The following NLK variants were observed in gnomAD, a reference collection of about 807,000 sequenced individuals.
The protein encoded by NLK is nemo like kinase.
Under a neutral mutation model 59.0 loss-of-function variants are expected in NLK, and 11 were observed. That is an observed-to-expected ratio of 0.19 (90% confidence interval 0.12 to 0.31). NLK has a LOEUF of 0.31. Ranked by LOEUF, NLK falls within the 10% of genes least tolerant of loss-of-function variation. The probability of loss-of-function intolerance (pLI) is 1.00; values close to 1 mark genes in which losing one functional copy is unlikely to be tolerated. For synonymous variants in NLK, 235 were observed against 235.9 expected, an observed-to-expected ratio of 1.00 and a Z score of 0.03; for missense variants, 410 against 661.1, an observed-to-expected ratio of 0.62 and a Z score of 4.16.
At chr17:28,113,929 A>T (rs939694291) in intron 1 of NLK, among the ~76,000 whole-genome samples, 7 of 152,108 alleles carry the variant, frequency 4.6e-5, no homozygotes, top group African/African-American at 1.7e-4. Context: ...GTGCATCCCT[A>T]AACATTATAG....
At chr17:28,102,059 T>C (rs1904921084) in intron 1 of NLK, among the ~76,000 whole-genome samples, 1 of 152,224 alleles carries the variant, frequency 6.6e-6, no homozygotes, top group African/African-American at 2.4e-5. Context: ...TGGGTATTGT[T>C]TCTTTGTCCA....
chr17:28,183,937 A>G (rs1354566332), intron 7 of NLK, among the ~76,000 whole-genome samples: 1 of 152,152 alleles, frequency 6.6e-6, no homozygotes, highest in Non-Finnish European at 1.5e-5. Context: ...TGCCTTTTTT[A>G]TGTTAGAGAT....
the NLK span, among the ~76,000 whole-genome samples, chr17:28,203,754 C>G: frequency 2.6e-5 from 4 of 152,184 alleles, no homozygotes; most frequent in South Asian, 4.1e-4. Flanking sequence ...CCAGGCTGGT[C>G]TTGAACTTCT....
At chr17:28,143,171 G>A (rs1907080911) in intron 3 of NLK, among the ~76,000 whole-genome samples, 1 of 151,556 alleles carries the variant, frequency 6.6e-6, no homozygotes, top group Non-Finnish European at 1.5e-5. Context: ...AACCTCCTGA[G>A]TAACTGGGAC....
intron 1 of NLK, among the ~76,000 whole-genome samples, chr17:28,060,337 TA>T (rs565035315): frequency 2.0e-5 from 3 of 152,012 alleles, no homozygotes; most frequent in Non-Finnish European, 2.9e-5. Flanking sequence ...AAATATACCA[TA>T]AAAAAATGCC....
rs374444233 is a variant in NLK at position 28,079,130 on chromosome 17, T to G, written c.458+35799T>G. ...TAAATAAGTGGAATCATGCAGTATTTGTCTTTTTGTGACTAGAATATTTCA... is the reference window on the plus strand; with the variant it reads ...TAAATAAGTGGAATCATGCAGTATTGGTCTTTTTGTGACTAGAATATTTCA... On this transcript the variant is annotated intron_variant, in intron 1 of 10. Transcript: ENST00000407008. 2.6e-4 allele frequency among the ~76,000 whole-genome samples: 40 copies of G among 152,358 alleles called. No individual in the cohort carries two copies. The East Asian group carries it at 7.1e-3, about 27-fold the overall frequency.
intron 1 of NLK, among the ~76,000 whole-genome samples, chr17:28,103,290 T>C (rs1055148648): frequency 5.3e-5 from 8 of 152,222 alleles, no homozygotes; most frequent in African/African-American, 1.7e-4. Context: ...ACCATTGATA[T>C]TATGCATTAC....
At chr17:28,115,339 A>C (rs1172310080) in intron 1 of NLK, among the ~76,000 whole-genome samples, 2 of 152,228 alleles carry the variant, frequency 1.3e-5, no homozygotes, top group Non-Finnish European at 2.9e-5. Context: ...GTTTAGCCCC[A>C]GCATGATAGA....
At chr17:28,168,427 T>C in intron 5 of NLK, 21 bp from the exon 6 acceptor site, 5 of 1,548,930 alleles carry the variant, frequency 3.2e-6, no homozygotes, top group Non-Finnish European at 4.5e-6. Flanking sequence ...TGATAATGTT[T>C]TGATTGCCTT....
chr17:28,103,139 G>C (rs754430022), intron 1 of NLK, among the ~76,000 whole-genome samples: 35 of 152,284 alleles, frequency 2.3e-4, no homozygotes, highest in Admixed American at 2.6e-4. Flanking sequence ...AGGAATGGTG[G>C]AGTGGAGGGA....
chr17:28,142,235 T>C (rs1044284040), intron 3 of NLK, among the ~76,000 whole-genome samples: 1 of 152,220 alleles, frequency 6.6e-6, no homozygotes, highest in Non-Finnish European at 1.5e-5. Flanking sequence ...TGATTTTTTT[T>C]TAGTCAGTTT....
At chr17:28,104,635 A>G (rs979271696) in intron 1 of NLK, among the ~76,000 whole-genome samples, 5 of 152,226 alleles carry the variant, frequency 3.3e-5, no homozygotes, top group South Asian at 4.1e-4. Flanking sequence ...TTTTTTGCCC[A>G]TATCACTTTG....
intron 1 of NLK, among the ~76,000 whole-genome samples, chr17:28,099,473 C>A (rs987126457): frequency 3.3e-5 from 5 of 151,434 alleles, no homozygotes; most frequent in African/African-American, 1.2e-4. Context: ...GGTCTAGTTT[C>A]TGTCACTATA....
At chr17:28,061,920 TAC>T (rs1909669319) in intron 1 of NLK, 5 of 142,322 alleles carry the variant, frequency 3.5e-5, no homozygotes, top group South Asian at 2.2e-4. Flanking sequence ...TACATATATA[TAC>T]ATATATATAT....
At chr17:28,199,547 T>C (rs185364803), downstream of NLK, among the ~76,000 whole-genome samples, 128 of 151,488 alleles carry the variant, frequency 8.4e-4, no homozygotes, top group Middle Eastern at 3.4e-3. Flanking sequence ...GCGCCTATAG[T>C]TCCAGCTACT....
chr17:28,192,886 A>C (rs1909357848), intron 10 of NLK, among the ~76,000 whole-genome samples: 1 of 152,180 alleles, frequency 6.6e-6, no homozygotes, highest in South Asian at 2.1e-4. Context: ...AACTGCAAGC[A>C]AGAAAATAAT....
chr17:28,111,018 G>A (rs1253219309), intron 1 of NLK, among the ~76,000 whole-genome samples: 1 of 149,892 alleles, frequency 6.7e-6, no homozygotes, highest in East Asian at 2.0e-4. Context: ...CTAATTTTTT[G>A]TATTTTTAGT....
chr17:28,148,900 A>G (rs540694146), intron 3 of NLK, among the ~76,000 whole-genome samples: 1 of 152,340 alleles, frequency 6.6e-6, no homozygotes, highest in South Asian at 2.1e-4. Context: ...TCTGAAAGGA[A>G]AGACTAAACC....
the NLK span, among the ~76,000 whole-genome samples, chr17:28,202,373 G>A: frequency 3.1e-4 from 47 of 151,352 alleles, no homozygotes; most frequent in African/African-American, 1.1e-3. Context: ...TCCTGCCTGG[G>A]CGGTCTCAAA....
Sources: gnomAD v4.1 joint callset for allele counts (sites outside exome capture counted in the v4.1 genomes callset) on GRCh38, gnomAD v4.1.1 for gene constraint, MANE v1.5 for transcripts, NCBI Gene and HGNC (gene_info 2026-07-23, HGNC 2026-07-21) for gene names.